Variants in SATB2 observed in about 807,000 individuals in gnomAD.
SATB2 encodes SATB homeobox 2, also known as DNA-binding protein SATB2.
In SATB2, 1 loss-of-function variant was observed where a neutral mutation model predicts 73.4. The ratio of observed to expected loss-of-function variants is 0.01; its 90% CI spans 0.00 to 0.06. The LOEUF (loss-of-function observed/expected upper bound fraction) is 0.06. Among genes scored for constraint, SATB2 ranks in the 10% least tolerant of loss-of-function variants. SATB2 has a pLI of 1.00. For synonymous variants in SATB2, 397 were observed against 367.0 expected (o/e 1.08, Z -0.93); for missense variants, 459 against 945.8 (o/e 0.49, Z 6.75).
At chr2:199,324,069 A>G (rs1687967868) in intron 8 of SATB2, 111 bp from the exon 9 acceptor site, 1 of 1,041,212 alleles carries the variant, frequency 9.6e-7, no homozygotes, top group Admixed American at 1.7e-5. Flanking sequence ...TGCATTAGCT[A>G]CAGAGGGACA....
intron 7 of SATB2, among the ~76,000 whole-genome samples, chr2:199,338,195 C>A (rs1006803211): frequency 6.6e-6 from 1 of 151,868 alleles, no homozygotes. Context: ...GAAACCCTGT[C>A]TCTATTAAAA....
chr2:199,462,765 G>A (rs1472824443), upstream of SATB2, among the ~76,000 whole-genome samples: 5 of 152,110 alleles, frequency 3.3e-5, no homozygotes, highest in East Asian at 7.7e-4. This position sits in a 1 kb window ranked among gnomAD's most constrained non-coding sequence, Gnocchi z 5.9. Context: ...GGCCCGAGCA[G>A]AGAGATACGC....
At chr2:199,409,599 T>C (rs896171525) in intron 3 of SATB2, among the ~76,000 whole-genome samples, 2 of 152,204 alleles carry the variant, frequency 1.3e-5, no homozygotes, top group South Asian at 2.1e-4. Flanking sequence ...GGCTAAAGTA[T>C]ACTGCCTACT....
intron 9 of SATB2, among the ~76,000 whole-genome samples, chr2:199,312,574 T>C (rs1687624898): frequency 1.3e-5 from 2 of 152,196 alleles, no homozygotes; most frequent in Admixed American, 1.3e-4. Flanking sequence ...TTCAAGCTCC[T>C]GGGTGCTTAA....
chr2:199,274,721 C>T (rs1692258106), intron 10 of SATB2, among the ~76,000 whole-genome samples: 1 of 151,748 alleles, frequency 6.6e-6, no homozygotes, highest in African/African-American at 2.4e-5. Flanking sequence ...CCACTTTCAA[C>T]TAAGAGTAAA....
intron 5 of SATB2, among the ~76,000 whole-genome samples, chr2:199,375,347 G>C (rs932114407): frequency 6.6e-6 from 1 of 152,192 alleles, no homozygotes; most frequent in Admixed American, 6.5e-5. Context: ...AGGAAGAGGT[G>C]CCAGCACTTA....
At position 199,323,940 on chromosome 2, in the gene SATB2, T is replaced by G. The variant is rs1687962212; in HGVS notation, c.1405A>C (p.Thr469Pro). Reference sequence around the variant, plus strand: ...TCCACCTTAATAGGGAGGTCTGTTGTCGGTGTCGAGGTTTTGGCCTACCAA... The same window carrying G: ...TCCACCTTAATAGGGAGGTCTGTTGGCGGTGTCGAGGTTTTGGCCTACCAA... ...RTPQAKTSTP[T>P]TDLPIKVDGA... Residue 469 changes from threonine (T) to proline (P), a missense_variant, in exon 9 of 11, where the codon ACA (threonine) becomes CCA (proline). Physicochemically the swap from Thr to Pro is conservative, Grantham distance 38. Around this residue, in one of 13 missense-constraint regions of SATB2, gnomAD observed 53 missense variants for 70.5 expected, o/e 0.75. Coordinates refer to ENST00000417098, the MANE Select transcript of SATB2 (RefSeq NM_001172509.2). 2 of 1,613,360 alleles carry G rather than the reference T, an allele frequency of 1.2e-6. No homozygotes were observed. Among genetic ancestry groups the G allele is most frequent in the Admixed American group, 3.3e-5 (2 of 59,960 alleles).
At chr2:199,299,473 C>T (rs1245153894) in intron 10 of SATB2, among the ~76,000 whole-genome samples, 4 of 152,130 alleles carry the variant, frequency 2.6e-5, no homozygotes, top group East Asian at 1.9e-4. Context: ...AGAAAGATGT[C>T]ACCCAGGGTC....
chr2:199,320,691 C>T (rs1193654183), intron 9 of SATB2, among the ~76,000 whole-genome samples: 2 of 152,258 alleles, frequency 1.3e-5, no homozygotes, highest in Middle Eastern at 3.4e-3. Flanking sequence ...TTCTGAACCC[C>T]TATCCTTGCA....
At chr2:199,324,083 C>T in intron 8 of SATB2, 125 bp from the exon 9 acceptor site, 1 of 944,632 alleles carries the variant, frequency 1.1e-6, no homozygotes. Flanking sequence ...AGGGACACTT[C>T]CTGTCCATTA....
intron 3 of SATB2, among the ~76,000 whole-genome samples, chr2:199,415,211 T>C (rs1248142683): frequency 6.6e-6 from 1 of 152,226 alleles, no homozygotes; most frequent in African/African-American, 2.4e-5. Flanking sequence ...TATGTGTGAC[T>C]ACAAGCCCAA....
rs1692160032 is a variant in SATB2, at chr2:199,271,597, T to C, written c.*614A>G. 2.7e-5 allele frequency: 4 copies of C among 147,142 alleles called. No individual in the cohort carries two copies. In the South Asian group the frequency reaches 8.8e-4, roughly 32 times the overall value. 9.1% of individuals were successfully genotyped at this position (147,142 alleles called of 1,614,324 possible). A position where few individuals can be genotyped will look rare whatever the true frequency, so the allele number is the denominator to read the frequency against. On this transcript the variant is annotated 3_prime_UTR_variant, in exon 11 of 11. Coordinates refer to ENST00000417098, the MANE Select transcript of SATB2 (RefSeq NM_001172509.2). ...ATCAGGGACAAACACAAAAAATAAATAGGAATTCAAAAATAGTCACCCCAC... is the reference window on the plus strand; with the variant it reads ...ATCAGGGACAAACACAAAAAATAAACAGGAATTCAAAAATAGTCACCCCAC...
In SATB2 at chr2:199,270,822, C is replaced by A. The variant is rs952625600; in HGVS notation, c.*1389G>T. On this transcript the variant is annotated 3_prime_UTR_variant, in exon 11 of 11. Coordinates refer to ENST00000417098, the MANE Select transcript of SATB2 (RefSeq NM_001172509.2). ...GATGAGTAAGTGATTCTACTGAAATCGCTTCACATACTCTATTGCCTGGAG... is the reference window on the plus strand; with the variant it reads ...GATGAGTAAGTGATTCTACTGAAATAGCTTCACATACTCTATTGCCTGGAG... 1 of 152,422 alleles carries A rather than the reference C, an allele frequency of 6.6e-6. No homozygotes were observed. Among genetic ancestry groups the A allele is most frequent in the Non-Finnish European group, 1.5e-5 (1 of 68,024 alleles). The allele number at this position is 152,422 out of a possible 1,614,324, so 9.4% of individuals were successfully genotyped here. A position where few individuals can be genotyped will look rare whatever the true frequency, so the allele number is the denominator to read the frequency against.
At chr2:199,305,543 AACAGAAAC>A (rs1229483321) in intron 10 of SATB2, among the ~76,000 whole-genome samples, 1 of 152,182 alleles carries the variant, frequency 6.6e-6, no homozygotes, top group Non-Finnish European at 1.5e-5. Flanking sequence ...TTGTGGGCTT[AACAGAAAC>A]ACATCTGCAG....
intron 10 of SATB2, among the ~76,000 whole-genome samples, chr2:199,292,382 C>T (rs1692894285): frequency 6.6e-6 from 1 of 152,190 alleles, no homozygotes; most frequent in African/African-American, 2.4e-5. Flanking sequence ...GACTGCTATG[C>T]TTACTCTCCC....
intron 3 of SATB2, chr2:199,396,196 C>A (rs996350778): frequency 6.6e-6 from 1 of 152,148 alleles, no homozygotes; most frequent in Non-Finnish European, 1.5e-5. Context: ...TCATACAAAC[C>A]TCTAATTCTT....
chr2:199,323,624 A>T (rs749972770), intron 9 of SATB2, among the ~76,000 whole-genome samples, 179 bp downstream of exon 9: 14 of 152,192 alleles, frequency 9.2e-5, no homozygotes, highest in Non-Finnish European at 1.9e-4. Context: ...TTTTGGCTTC[A>T]TCTCTATTTT....
intron 10 of SATB2, among the ~76,000 whole-genome samples, chr2:199,290,955 A>G (rs1280990776): frequency 6.6e-6 from 1 of 152,236 alleles, no homozygotes; most frequent in Non-Finnish European, 1.5e-5. Flanking sequence ...CAGAATTTAT[A>G]AAAGCCAGAA....
chr2:199,305,578 C>T (rs1465723807), intron 10 of SATB2, among the ~76,000 whole-genome samples: 1 of 152,070 alleles, frequency 6.6e-6, no homozygotes, highest in Non-Finnish European at 1.5e-5. Context: ...AAAAACTATC[C>T]ATTTGTCAAC....
Sources: gnomAD v4.1 joint callset for allele counts (sites outside exome capture counted in the v4.1 genomes callset) on GRCh38, gnomAD v4.1.1 for gene constraint, gnomAD v4.1.1 regional missense constraint, Gnocchi (gnomAD v3.1) non-coding constraint, MANE v1.5 for transcripts, NCBI Gene and HGNC (gene_info 2026-07-23, HGNC 2026-07-21) for gene names.